GNAQ: variants seen among roughly 807,000 people sequenced by gnomAD.
GNAQ encodes guanine nucleotide-binding protein G(q) subunit alpha.
In GNAQ, 8 loss-of-function variants were observed where a neutral mutation model predicts 43.9. The ratio of observed to expected loss-of-function variants is 0.18; its 90% confidence interval spans 0.11 to 0.33. The LOEUF is 0.33. GNAQ is among the 10% of genes least tolerant of loss of function. GNAQ has a pLI of 1.00. For missense variants in GNAQ, 158 were observed against 450.8 expected, an observed-to-expected ratio of 0.35 and a Z score of 5.88; for synonymous variants, 155 against 170.7, an observed-to-expected ratio of 0.91 and a Z score of 0.71.
chr9:77,972,811 G>T (rs1446760839), intron 1 of GNAQ, among the ~76,000 whole-genome samples: 1 of 151,872 alleles, frequency 6.6e-6, no homozygotes, highest in Non-Finnish European at 1.5e-5. Context: ...AAATTAGCCG[G>T]GCGTGGTGGT....
At chr9:77,910,651 A>G (rs1828786168) in intron 2 of GNAQ, among the ~76,000 whole-genome samples, 1 of 151,830 alleles carries the variant, frequency 6.6e-6, no homozygotes. Context: ...TTTTTTAATC[A>G]GCCATATCAG....
intron 2 of GNAQ, among the ~76,000 whole-genome samples, chr9:77,820,553 T>A (rs1827097558): frequency 6.6e-6 from 1 of 152,192 alleles, no homozygotes; most frequent in South Asian, 2.1e-4. Context: ...AATTAGAAAT[T>A]ACTACATGAC....
intron 2 of GNAQ, among the ~76,000 whole-genome samples, chr9:77,842,347 T>A (rs183694038): frequency 3.3e-5 from 5 of 152,244 alleles, no homozygotes; most frequent in Admixed American, 3.3e-4. Context: ...GTCTGATCAA[T>A]CCTGACAGTA....
intron 2 of GNAQ, among the ~76,000 whole-genome samples, chr9:77,849,379 C>A (rs1283113072): frequency 6.6e-6 from 1 of 152,070 alleles, no homozygotes; most frequent in Admixed American, 6.5e-5. Flanking sequence ...CAGCCACAGA[C>A]AATATCGAGA....
chr9:77,843,794 T>C (rs755827738), intron 2 of GNAQ, among the ~76,000 whole-genome samples: 1 of 152,192 alleles, frequency 6.6e-6, no homozygotes, highest in Non-Finnish European at 1.5e-5. Context: ...CTGGGCATGT[T>C]TTCTGCATGG....
intron 2 of GNAQ, among the ~76,000 whole-genome samples, chr9:77,844,334 C>A (rs1321400964): frequency 6.6e-6 from 1 of 152,204 alleles, no homozygotes; most frequent in Non-Finnish European, 1.5e-5. Flanking sequence ...TCCTCAACAA[C>A]CCCATCCACT....
intron 2 of GNAQ, among the ~76,000 whole-genome samples, chr9:77,851,848 C>G (rs1290807890): frequency 6.6e-6 from 1 of 152,146 alleles, no homozygotes; most frequent in African/African-American, 2.4e-5. Context: ...AACCTAATAC[C>G]AACTGAGCTG....
In GNAQ at chr9:77,855,042, C is replaced by T. The variant is rs74931668; in HGVS notation, c.322-39272G>A. On this transcript the variant is annotated intron_variant, in intron 2 of 6. Transcript: ENST00000286548. Reference sequence around the variant, plus strand: ...CAACTGTCTCTTACCCCAGAAATGACGTCAGTGGCAACATATGACAGTATC... The same window carrying T: ...CAACTGTCTCTTACCCCAGAAATGATGTCAGTGGCAACATATGACAGTATC... Among the ~76,000 whole-genome samples, 647 of 152,298 alleles carry T rather than the reference C, an allele frequency of 4.2e-3. 4 individuals carry two copies. The highest frequency in any genetic ancestry group is 0.015 in the African/African-American group (617 of 41,560).
intron 2 of GNAQ, among the ~76,000 whole-genome samples, chr9:77,826,337 T>TA (rs1192401036): frequency 1.3e-5 from 2 of 152,162 alleles, no homozygotes; most frequent in Non-Finnish European, 2.9e-5. Context: ...CTTTGTGTGA[T>TA]AAGGAAGCTT....
rs1428248113 is a variant in GNAQ at position 77,724,472 on chromosome 9, C to T, written c.890-2959G>A. Among the ~76,000 whole-genome samples the T allele has an allele frequency of 2.0e-5, 3 of 152,194 alleles. No homozygotes were observed. The East Asian group carries it at 5.8e-4, about 29-fold the overall frequency. On this transcript the variant is annotated intron_variant, in intron 6 of 6. Coordinates refer to ENST00000286548, the MANE Select transcript of GNAQ (RefSeq NM_002072.5). ...TTGGCCTCCCAAAGTGCTGAGATTA[C>T]AGGCGTGAGCCACCACACCCAGCAG...
At chr9:77,972,213 T>G (rs1823245025) in intron 1 of GNAQ, among the ~76,000 whole-genome samples, 1 of 152,122 alleles carries the variant, frequency 6.6e-6, no homozygotes, top group African/African-American at 2.4e-5. Context: ...ATATAATTGC[T>G]TTTCTTTAAA....
chr9:77,789,858 G>A (rs1275813742), intron 5 of GNAQ, among the ~76,000 whole-genome samples: 7 of 152,050 alleles, frequency 4.6e-5, no homozygotes, highest in African/African-American at 1.7e-4. Flanking sequence ...CTAACTCCAG[G>A]TCTCTGGTTC....
intron 5 of GNAQ, among the ~76,000 whole-genome samples, chr9:77,792,142 A>G (rs1826585131): frequency 6.6e-6 from 1 of 152,162 alleles, no homozygotes; most frequent in Non-Finnish European, 1.5e-5. Flanking sequence ...ATTAATGAAC[A>G]GCACTTTTCT....
intron 1 of GNAQ, among the ~76,000 whole-genome samples, chr9:77,940,517 T>C (rs1829299566): frequency 6.6e-6 from 1 of 152,150 alleles, no homozygotes; most frequent in Admixed American, 6.5e-5. Context: ...AGGTCAAGGC[T>C]GCAGTGAGCA....
intron 2 of GNAQ, among the ~76,000 whole-genome samples, chr9:77,899,336 A>C (rs1432991472): frequency 2.0e-5 from 3 of 152,070 alleles, no homozygotes; most frequent in Admixed American, 1.3e-4. Flanking sequence ...GTCACAAGCG[A>C]TCCACCTGCC....
Position 77,720,384 on chromosome 9 carries a change from G to A in GNAQ, c.*939C>T, listed in dbSNP as rs1454561660. On this transcript the variant is annotated 3_prime_UTR_variant, in exon 7 of 7. Coordinates refer to ENST00000286548, the MANE Select transcript of GNAQ (RefSeq NM_002072.5). Reference sequence around the variant, plus strand: ...GTGGCCCAAACACCAAGAAAAAAAAGAAAGGAAAAGCTTGAACAACAACAA... The same window carrying A: ...GTGGCCCAAACACCAAGAAAAAAAAAAAAGGAAAAGCTTGAACAACAACAA... 6 of 233,272 alleles carry A rather than the reference G, an allele frequency of 2.6e-5. No individual in the cohort carries two copies. The highest frequency in any genetic ancestry group is 5.1e-5 in the Non-Finnish European group (6 of 117,956). The allele number at this position is 233,272 out of a possible 1,614,324, so 14.5% of individuals were successfully genotyped here.
chr9:77,777,655 T>C (rs1293010408), intron 5 of GNAQ, among the ~76,000 whole-genome samples: 2 of 151,944 alleles, frequency 1.3e-5, no homozygotes, highest in African/African-American at 2.4e-5. Flanking sequence ...CACAAGTCTA[T>C]TAAAAATAGG....
chr9:78,011,180 T>C (rs1452971437), intron 1 of GNAQ, among the ~76,000 whole-genome samples: 1 of 152,074 alleles, frequency 6.6e-6, no homozygotes, highest in Non-Finnish European at 1.5e-5. Context: ...TGAAGCAAAG[T>C]TCATAGTAGC....
At chr9:77,774,885 AAAAT>A (rs761199323) in intron 5 of GNAQ, among the ~76,000 whole-genome samples, 7 of 152,244 alleles carry the variant, frequency 4.6e-5, no homozygotes, top group Non-Finnish European at 7.3e-5. Context: ...GCAGGTAAGT[AAAAT>A]AAATAAAACA....
Sources: allele counts gnomAD v4.1 joint callset (sites outside exome capture counted in the v4.1 genomes callset), GRCh38; gene constraint gnomAD v4.1.1; transcripts MANE v1.5; gene names NCBI Gene and HGNC (gene_info 2026-07-23, HGNC 2026-07-21).